The following NCOR1 variants were observed in gnomAD, a reference collection of about 807,000 sequenced individuals.
NCOR1 encodes the protein protein phosphatase 1, regulatory subunit 109.
In NCOR1, 63 loss-of-function variants were observed where a neutral mutation model predicts 288.1. That is an observed-to-expected ratio of 0.22 (90% CI 0.18 to 0.27). NCOR1 has a LOEUF of 0.27. Ranked by LOEUF, NCOR1 falls within the 10% of genes least tolerant of loss-of-function variation. The pLI, the probability that NCOR1 is intolerant of heterozygous loss-of-function variation, is 1.00. For missense variants in NCOR1, 2,397 were observed against 3,019.2 expected, an observed-to-expected ratio of 0.79 and a Z score of 4.83; for synonymous variants, 1,007 against 1,065.9, an observed-to-expected ratio of 0.94 and a Z score of 1.08.
chr17:16,098,052 G>T (rs1257189590), intron 21 of NCOR1, among the ~76,000 whole-genome samples: 1 of 152,220 alleles, frequency 6.6e-6, no homozygotes, highest in Non-Finnish European at 1.5e-5. Context: ...TAAACTGTGT[G>T]TTAAATTCAT....
At chr17:16,040,689 C>G in intron 42 of NCOR1, 195 bp from the exon 43 acceptor site, 1 of 608,136 alleles carries the variant, frequency 1.6e-6, no homozygotes, top group Non-Finnish European at 3.0e-6. Context: ...GTTGCCCAGG[C>G]TATTTTTAAA....
At chr17:16,067,072 GATT>G (rs1423485251) in intron 32 of NCOR1, among the ~76,000 whole-genome samples, 3 of 152,136 alleles carry the variant, frequency 2.0e-5, no homozygotes. Flanking sequence ...TGGTCCTGCA[GATT>G]ATAACAGCCC....
At chr17:16,112,501 CT>C (rs904133623) in intron 18 of NCOR1, among the ~76,000 whole-genome samples, 1 of 151,934 alleles carries the variant, frequency 6.6e-6, no homozygotes, top group Non-Finnish European at 1.5e-5. Context: ...GAGAACTTTT[CT>C]TTTTTTTCTT....
chr17:16,187,816 C>T (rs2087010559), intron 2 of NCOR1, among the ~76,000 whole-genome samples: 1 of 151,294 alleles, frequency 6.6e-6, no homozygotes, highest in Non-Finnish European at 1.5e-5. Context: ...GGGAGGCTTG[C>T]TTGAGCCCAA....
At chr17:16,111,989 C>T (rs955188197) in intron 18 of NCOR1, among the ~76,000 whole-genome samples, 1 of 152,122 alleles carries the variant, frequency 6.6e-6, no homozygotes, top group East Asian at 1.9e-4. Flanking sequence ...CCTGCCTCAG[C>T]CTCCCGAGTA....
chr17:16,141,691 A>G (rs1028883512), intron 11 of NCOR1, among the ~76,000 whole-genome samples: 1 of 152,224 alleles, frequency 6.6e-6, no homozygotes, highest in Non-Finnish European at 1.5e-5. Flanking sequence ...CTGTCTCACA[A>G]GTAATTTTTC....
chr17:16,079,054 A>T (rs1416500832), intron 26 of NCOR1, among the ~76,000 whole-genome samples: 1 of 152,198 alleles, frequency 6.6e-6, no homozygotes, highest in Non-Finnish European at 1.5e-5. Flanking sequence ...TATTCTAGCA[A>T]GCATCCCAGT....
chr17:16,213,489 CAA>C (rs537795184), intron 1 of NCOR1, among the ~76,000 whole-genome samples: 4,471 of 78,120 alleles, frequency 0.057, 241 homozygotes, highest in African/African-American at 0.17. Context: ...AAGACTGTCT[CAA>C]AAAAAAAAAA....
At position 16,046,996 on chromosome 17, in the gene NCOR1, T is replaced by C; in HGVS notation, c.6634A>G (p.Ile2212Val). 6.2e-7 allele frequency: 1 copy of C among 1,614,010 alleles called. No individual in the cohort carries two copies. Among genetic ancestry groups the C allele is most frequent in the Non-Finnish European group, 8.5e-7 (1 of 1,179,982 alleles). ...SPMVKSKKQE[I>V]FRKLNSSGGG... ...CCAGAGGAGTTCAACTTACGAAAAATCTCCTGCTTCTTTGATTTAACCATG... is the reference window on the plus strand; with the variant it reads ...CCAGAGGAGTTCAACTTACGAAAAACCTCCTGCTTCTTTGATTTAACCATG... The change falls in exon 42 of 46, where the codon ATT (isoleucine) becomes GTT (valine). Residue 2212 changes from isoleucine to valine, a missense_variant. Ile to Val is a conservative substitution (Grantham distance 29). This residue lies in a region of NCOR1 where 1,872 missense variants were observed against 2,187.8 expected (regional missense o/e 0.86). Transcript: ENST00000268712.
chr17:16,043,099 T>C (rs1186337929), intron 42 of NCOR1, among the ~76,000 whole-genome samples: 1 of 152,100 alleles, frequency 6.6e-6, no homozygotes, highest in African/African-American at 2.4e-5. Flanking sequence ...CAGGAGAACA[T>C]GGCATCAGAA....
At chr17:16,065,271 T>A (rs937482676) in intron 33 of NCOR1, among the ~76,000 whole-genome samples, 1 of 152,214 alleles carries the variant, frequency 6.6e-6, no homozygotes, top group East Asian at 1.9e-4. Flanking sequence ...TTACAAATAC[T>A]CAGCACAAGG....
In NCOR1 at chr17:16,061,884, C is replaced by G. The variant is rs778866304; in HGVS notation, c.5398G>C (p.Ala1800Pro). ...CCTTGGCTTATTGAAGGGCCCCCAG[C>G]AGGCAGTGGCCTGTAAATAAAACCA... ...TAQLRIMPLP[A>P]GGPSISQGLP... The change falls in exon 37 of 46, where the codon GCT becomes CCT. Residue 1800 changes from alanine to proline, a missense_variant. Around this residue, in one of 11 missense-constraint regions of NCOR1, gnomAD observed 1,872 missense variants for 2,187.8 expected, o/e 0.86. Coordinates refer to ENST00000268712, the MANE Select transcript of NCOR1 (RefSeq NM_006311.4). 1.9e-6 allele frequency: 3 copies of G among 1,607,222 alleles called. No homozygotes were observed. The East Asian group carries it at 6.7e-5, about 36-fold the overall frequency.
At position 16,064,077 on chromosome 17, in the gene NCOR1, G is replaced by C; in HGVS notation, c.5212C>G (p.Leu1738Val). 6.2e-7 allele frequency: 1 copy of C among 1,614,064 alleles called. No individual in the cohort carries two copies. ...AGTGCCTTTCACTGACCTGGCCGCA[G>C]GTAGAGGTCGGAGGAAGCTGCAGCA... Reference protein sequence around the residue: ...RIAAASSDLYLRPGSEQPGRP... With the variant: ...RIAAASSDLYVRPGSEQPGRP... Residue 1738 changes from leucine (L) to valine (V), a missense_variant, in exon 35 of 46, where the codon CTG becomes GTG. Physicochemically the swap from Leu to Val is conservative, Grantham distance 32 (BLOSUM62 1). Coordinates refer to ENST00000268712, the MANE Select transcript of NCOR1 (RefSeq NM_006311.4).
At chr17:16,082,421 T>C (rs1293190295) in intron 23 of NCOR1, among the ~76,000 whole-genome samples, 1 of 152,146 alleles carries the variant, frequency 6.6e-6, no homozygotes, top group East Asian at 1.9e-4. Context: ...AAACCATGTC[T>C]AAATTAAAGG....
intron 3 of NCOR1, among the ~76,000 whole-genome samples, chr17:16,178,216 T>C (rs1019311015): frequency 3.5e-5 from 5 of 143,010 alleles, no homozygotes; most frequent in African/African-American, 1.1e-4. Context: ...AAAAATAAAA[T>C]AGGCCAGTTG....
intron 45 of NCOR1, among the ~76,000 whole-genome samples, chr17:16,033,790 G>A (rs530380476): frequency 1.3e-5 from 2 of 152,218 alleles, no homozygotes; most frequent in African/African-American, 2.4e-5. Flanking sequence ...TGTAGTGAAC[G>A]TACAGACAGA....
At chr17:16,095,357 G>T (rs1340452595) in intron 21 of NCOR1, among the ~76,000 whole-genome samples, 1 of 150,892 alleles carries the variant, frequency 6.6e-6, no homozygotes, top group Non-Finnish European at 1.5e-5. Context: ...AGTGAGGAGC[G>T]TCTCCGCCCG....
intron 18 of NCOR1, among the ~76,000 whole-genome samples, chr17:16,110,512 C>A (rs556957824): frequency 6.6e-6 from 1 of 152,078 alleles, no homozygotes; most frequent in African/African-American, 2.4e-5. Context: ...AACTATAAGA[C>A]GTTAGCTATT....
chr17:16,101,280 T>G lies in NCOR1; in HGVS notation c.2660A>C (p.Glu887Ala). The G allele has an allele frequency of 6.2e-7, 1 of 1,606,938 alleles. No homozygotes were observed. Among genetic ancestry groups the G allele is most frequent in the Non-Finnish European group, 8.5e-7 (1 of 1,176,678 alleles). Residue 887 changes from glutamate to alanine, a missense_variant, in exon 20 of 46, where the codon GAG (glutamate) becomes GCG (alanine). Around this residue, in one of 11 missense-constraint regions of NCOR1, gnomAD observed 1,872 missense variants for 2,187.8 expected, o/e 0.86. Transcript: ENST00000268712. The part of the protein sequence containing the change: ...NDSSATCSAD[E>A]DVDGEPERQR... ...CCTCTCTGGCTCTCCATCCACATCC[T>G]CATCAGCGCTGCACGTGGCACTGGA...
Sources: allele counts gnomAD v4.1 joint callset (sites outside exome capture counted in the v4.1 genomes callset), GRCh38; gene constraint gnomAD v4.1.1; regional missense constraint gnomAD v4.1.1; transcripts MANE v1.5; gene names NCBI Gene and HGNC (gene_info 2026-07-23, HGNC 2026-07-21).